ZEB1: variants seen among roughly 807,000 people sequenced by gnomAD.
ZEB1 encodes the protein zinc finger E-box-binding homeobox 1.
In ZEB1, 21 loss-of-function variants were observed where a neutral mutation model predicts 84.9. That is an observed-to-expected ratio of 0.25 (90% CI 0.18 to 0.36). The LOEUF is 0.36. Among genes scored for constraint, ZEB1 ranks in the 10% least tolerant of loss-of-function variants. The probability of loss-of-function intolerance (pLI) is 1.00; values close to 1 mark genes in which losing one functional copy is unlikely to be tolerated. For synonymous variants in ZEB1, 420 were observed against 471.1 expected (o/e 0.89, Z 1.41); for missense variants, 1,104 against 1,330.2 (o/e 0.83, Z 2.65).
chr10:31,409,855 A>G (rs2053898177), intron 1 of ZEB1, among the ~76,000 whole-genome samples: 1 of 152,136 alleles, frequency 6.6e-6, no homozygotes, highest in African/African-American at 2.4e-5. Context: ...TTGCACATTG[A>G]TTTTGTATCC....
Position 31,321,279 on chromosome 10 carries a change from A to G in ZEB1, c.58+1987A>G, listed in dbSNP as rs1281400601. On this transcript the variant is annotated intron_variant, in intron 1 of 8. Transcript: ENST00000424869. Reference sequence around the variant, plus strand: ...ATGTTTCCTTCCAATCCATAATTATATTTTTAATATATTCGAGCCATCATT... The same window carrying G: ...ATGTTTCCTTCCAATCCATAATTATGTTTTTAATATATTCGAGCCATCATT... The G allele has an allele frequency of 1.9e-5, 26 of 1,340,364 alleles. No individual in the cohort carries two copies. In the South Asian group the frequency reaches 3.9e-4, roughly 20 times the overall value. The allele number at this position is 1,340,364 out of a possible 1,614,324, so 83.0% of individuals were successfully genotyped here. A position where few individuals can be genotyped will look rare whatever the true frequency, so the allele number is the denominator to read the frequency against.
intron 1 of ZEB1, among the ~76,000 whole-genome samples, chr10:31,362,282 A>G (rs1247133345): frequency 7.1e-5 from 8 of 113,388 alleles, no homozygotes; most frequent in Non-Finnish European, 1.3e-4. Flanking sequence ...ATTCCCAGAT[A>G]GTGGGCGGCT....
chr10:31,363,874 C>T (rs1014957524), intron 1 of ZEB1: 26 of 1,309,032 alleles, frequency 2.0e-5, no homozygotes, highest in African/African-American at 7.5e-5. Flanking sequence ...ATGTCGCTGA[C>T]GGTTGAAGAG....
chr10:31,483,584 G>T (rs2065343033), intron 2 of ZEB1, among the ~76,000 whole-genome samples: 1 of 151,924 alleles, frequency 6.6e-6, no homozygotes, highest in Middle Eastern at 3.4e-3. Flanking sequence ...ATTTCCCATG[G>T]CCTCCAATAA....
chr10:31,353,434 AC>A lies in ZEB1; in HGVS notation c.58+34143del, dbSNP rs1412110317. 2.0e-5 allele frequency among the ~76,000 whole-genome samples: 3 copies of A among 152,318 alleles called. No individual in the cohort carries two copies. The South Asian group carries it at 6.2e-4, about 32-fold the overall frequency. ...CTTTATAAACCACTGTATATAGGCT[AC>A]TCACAATGTAATGAGCTACTAATTG... On this transcript the variant is annotated intron_variant, in intron 1 of 8. Coordinates refer to ENST00000424869, the MANE Select transcript of ZEB1 (RefSeq NM_001174096.2).
At chr10:31,321,051 C>A in intron 1 of ZEB1, 1 of 739,452 alleles carries the variant, frequency 1.4e-6, no homozygotes. Flanking sequence ...GGGACCGCTG[C>A]AGCGTCGAGA....
chr10:31,430,384 A>C (rs1412188424), intron 1 of ZEB1, among the ~76,000 whole-genome samples: 1 of 152,170 alleles, frequency 6.6e-6, no homozygotes, highest in Admixed American at 6.5e-5. Context: ...TTATTCTCCC[A>C]TTATATGTGA....
At chr10:31,452,079 G>C (rs2137076248) in intron 1 of ZEB1, among the ~76,000 whole-genome samples, 1 of 152,028 alleles carries the variant, frequency 6.6e-6, no homozygotes, top group Admixed American at 6.6e-5. Context: ...TTGGAGTTAT[G>C]TTTTAAAATA....
chr10:31,363,296 A>G (rs1443687634), intron 1 of ZEB1: 3 of 1,531,922 alleles, frequency 2.0e-6, no homozygotes, highest in Non-Finnish European at 2.6e-6. Flanking sequence ...GGCTTCCCAA[A>G]GGGAAGGATG....
intron 1 of ZEB1, among the ~76,000 whole-genome samples, chr10:31,429,670 T>G (rs967512500): frequency 1.4e-5 from 2 of 144,796 alleles, no homozygotes; most frequent in African/African-American, 5.1e-5. Flanking sequence ...CTTGTACCCC[T>G]GAATTTAAAA....
rs1184159979 is a variant in ZEB1, at chr10:31,529,281, A to AT, written c.*2019dup. On this transcript the variant is annotated 3_prime_UTR_variant, in exon 9 of 9. Transcript: ENST00000424869. Reference sequence around the variant, plus strand: ...GGGGTACATTGTCATCCTGCATTTGATTCATCTTGAGCTGAATTTGGGTAA... The same window carrying AT: ...GGGGTACATTGTCATCCTGCATTTGATTTCATCTTGAGCTGAATTTGGGTAA... The AT allele has an allele frequency of 1.3e-5, 2 of 152,136 alleles. No homozygotes were observed. The highest frequency in any genetic ancestry group is 2.9e-5 in the Non-Finnish European group (2 of 68,014). The allele number at this position is 152,136 out of a possible 1,614,324, so 9.4% of individuals were successfully genotyped here. A position where few individuals can be genotyped will look rare whatever the true frequency, so the allele number is the denominator to read the frequency against.
chr10:31,444,935 T>C (rs1267412101), intron 1 of ZEB1, among the ~76,000 whole-genome samples: 1 of 152,160 alleles, frequency 6.6e-6, no homozygotes, highest in Non-Finnish European at 1.5e-5. Context: ...AAGTAGTTTT[T>C]TTCCAATTCT....
chr10:31,488,049 AT>A (rs893596821), intron 2 of ZEB1, among the ~76,000 whole-genome samples: 7 of 150,786 alleles, frequency 4.6e-5, no homozygotes, highest in African/African-American at 1.2e-4. Context: ...TTAGTCTATA[AT>A]TTTTTTTCTT....
chr10:31,429,451 A>G (rs972258795), intron 1 of ZEB1, among the ~76,000 whole-genome samples: 1 of 152,136 alleles, frequency 6.6e-6, no homozygotes, highest in African/African-American at 2.4e-5. Context: ...GGCATACTGC[A>G]TGTTCTCACA....
chr10:31,417,151 G>T (rs903514696), intron 1 of ZEB1, among the ~76,000 whole-genome samples: 4 of 152,112 alleles, frequency 2.6e-5, no homozygotes, highest in African/African-American at 9.7e-5. Context: ...ATAGTCCCCA[G>T]TTGGTTATCA....
intron 2 of ZEB1, among the ~76,000 whole-genome samples, chr10:31,469,061 A>G (rs1431668817): frequency 6.6e-6 from 1 of 152,238 alleles, no homozygotes; most frequent in Non-Finnish European, 1.5e-5. Flanking sequence ...CAACATAGAT[A>G]TATTTTTTAA....
intron 1 of ZEB1, among the ~76,000 whole-genome samples, chr10:31,440,250 A>C (rs77648976): frequency 0.023 from 3,574 of 152,242 alleles, 135 homozygotes; most frequent in African/African-American, 0.082. Context: ...GTATTTGGCT[A>C]TGGTAAAAAA....
intron 1 of ZEB1, among the ~76,000 whole-genome samples, chr10:31,396,617 G>C (rs2050776348): frequency 6.6e-6 from 1 of 152,190 alleles, no homozygotes; most frequent in Admixed American, 6.5e-5. Context: ...GGTGTGAGGA[G>C]AGAGAGAAAA....
intron 1 of ZEB1, among the ~76,000 whole-genome samples, chr10:31,454,512 A>G (rs958242054): frequency 1.3e-5 from 2 of 152,214 alleles, no homozygotes; most frequent in East Asian, 3.8e-4. Flanking sequence ...TTGTATATTT[A>G]GAAAACCCCT....
Sources: allele counts gnomAD v4.1 joint callset (sites outside exome capture counted in the v4.1 genomes callset), GRCh38; gene constraint gnomAD v4.1.1; transcripts MANE v1.5; gene names NCBI Gene and HGNC (gene_info 2026-07-23, HGNC 2026-07-21).